The following FRMD4A variants were observed in gnomAD, a reference collection of about 807,000 sequenced individuals.
FRMD4A encodes FERM domain containing 4A, also known as FERM domain-containing protein 4A.
Under a neutral mutation model 129.1 loss-of-function variants are expected in FRMD4A, and 29 were observed. The ratio of observed to expected loss-of-function variants is 0.22; its 90% confidence interval spans 0.17 to 0.31. FRMD4A has a LOEUF of 0.31. Ranked by LOEUF, FRMD4A falls within the 10% of genes least tolerant of loss-of-function variation. The pLI, the probability that FRMD4A is intolerant of heterozygous loss-of-function variation, is 1.00. For synonymous variants in FRMD4A, 634 were observed against 571.6 expected (o/e 1.11, Z -1.56); for missense variants, 1,272 against 1,375.8 (o/e 0.92, Z 1.19).
intron 2 of FRMD4A, among the ~76,000 whole-genome samples, chr10:14,075,472 G>A (rs1056175288): frequency 2.0e-5 from 3 of 152,198 alleles, no homozygotes; most frequent in Admixed American, 6.5e-5. Flanking sequence ...AACAGGGACA[G>A]AACTGGAACC....
At chr10:14,065,268 C>A (rs1052701209) in intron 2 of FRMD4A, among the ~76,000 whole-genome samples, 1 of 152,224 alleles carries the variant, frequency 6.6e-6, no homozygotes, top group Non-Finnish European at 1.5e-5. Context: ...ACTGCAACCT[C>A]TGCCTCCTGG....
rs528983447 is a variant in FRMD4A, at chr10:13,871,729, C to T, written c.46-12817G>A. ...GGGGGCTCTAAACAGCTGTTAGATC[C>T]TCTTGCATCTCGCAGACTCAGTGGA... is the stretch of plus-strand genomic sequence containing the variant. On this transcript the variant is annotated intron_variant, in intron 2 of 24. Transcript: ENST00000357447. 4.6e-5 allele frequency among the ~76,000 whole-genome samples: 7 copies of T among 152,340 alleles called. No individual in the cohort carries two copies. The South Asian group carries it at 1.4e-3, about 32-fold the overall frequency.
intron 2 of FRMD4A, among the ~76,000 whole-genome samples, chr10:14,062,054 G>A (rs1205410385): frequency 6.6e-6 from 1 of 152,098 alleles, no homozygotes; most frequent in Non-Finnish European, 1.5e-5. Flanking sequence ...GTAATTTCTA[G>A]AGCTCTGACT....
chr10:13,740,490 G>A (rs752367471), intron 10 of FRMD4A, 22 bp downstream of exon 10: 5 of 1,435,498 alleles, frequency 3.5e-6, no homozygotes, highest in Non-Finnish European at 3.9e-6. Flanking sequence ...GTCCCCATGT[G>A]AGCTGGGAAG....
At chr10:14,314,634 T>C (rs1564458883) in intron 2 of FRMD4A, among the ~76,000 whole-genome samples, 1 of 151,130 alleles carries the variant, frequency 6.6e-6, no homozygotes, top group Non-Finnish European at 1.5e-5. Context: ...CTTGGAACCA[T>C]GAGGGGAAGC....
At chr10:14,188,307 T>A (rs2131917504) in intron 2 of FRMD4A, among the ~76,000 whole-genome samples, 1 of 152,308 alleles carries the variant, frequency 6.6e-6, no homozygotes, top group Non-Finnish European at 1.5e-5. Flanking sequence ...GTTTGGTTGC[T>A]TTTCTCAGAC....
intron 14 of FRMD4A, 67 bp downstream of exon 14, chr10:13,701,273 G>T: frequency 1.3e-6 from 2 of 1,486,956 alleles, no homozygotes; most frequent in Non-Finnish European, 1.9e-6. Context: ...CCACCCATCC[G>T]ATCCTCATTC....
chr10:13,996,507 G>A (rs1300724734), intron 2 of FRMD4A, among the ~76,000 whole-genome samples: 1 of 152,188 alleles, frequency 6.6e-6, no homozygotes, highest in Non-Finnish European at 1.5e-5. Flanking sequence ...GAGGGCTCCT[G>A]TACCACTTGT....
intron 2 of FRMD4A, among the ~76,000 whole-genome samples, chr10:14,018,323 G>T (rs190632451): frequency 6.6e-6 from 1 of 151,662 alleles, no homozygotes; most frequent in Non-Finnish European, 1.5e-5. Flanking sequence ...GGGCATGGTG[G>T]CAGGCGTCTG....
intron 2 of FRMD4A, among the ~76,000 whole-genome samples, chr10:13,925,741 G>A (rs532129345): frequency 2.6e-5 from 4 of 151,342 alleles, no homozygotes; most frequent in East Asian, 1.9e-4. Context: ...GCACCACCAC[G>A]CCTGAATAAT....
At chr10:13,977,753 G>T (rs1379387277) in intron 2 of FRMD4A, among the ~76,000 whole-genome samples, 1 of 152,134 alleles carries the variant, frequency 6.6e-6, no homozygotes, top group African/African-American at 2.4e-5. Flanking sequence ...ATATTAATGG[G>T]GTCTTTGTGG....
intron 24 of FRMD4A, 167 bp downstream of exon 24, chr10:13,651,736 G>T (rs188383333): frequency 1.6e-6 from 1 of 616,942 alleles, no homozygotes; most frequent in East Asian, 2.8e-5. Context: ...TAATTTTGAT[G>T]TAAGAACCTT....
At chr10:13,797,974 C>G (rs1469370084) in intron 4 of FRMD4A, among the ~76,000 whole-genome samples, 8 of 151,766 alleles carry the variant, frequency 5.3e-5, no homozygotes, top group Non-Finnish European at 1.5e-5. Flanking sequence ...ATACGGAAGA[C>G]TTTTGGATCT....
intron 2 of FRMD4A, among the ~76,000 whole-genome samples, chr10:14,050,346 C>T (rs1321975339): frequency 1.3e-5 from 2 of 152,136 alleles, no homozygotes; most frequent in Non-Finnish European, 2.9e-5. Context: ...CCCCATTTTG[C>T]AGATGGTAAA....
At chr10:13,947,672 C>T (rs991079745) in intron 2 of FRMD4A, among the ~76,000 whole-genome samples, 44 of 152,054 alleles carry the variant, frequency 2.9e-4, no homozygotes, top group Non-Finnish European at 6.0e-4. Flanking sequence ...AAATACATGC[C>T]ATAGTACAGC....
At chr10:13,912,855 C>T (rs1247660485) in intron 2 of FRMD4A, among the ~76,000 whole-genome samples, 1 of 151,872 alleles carries the variant, frequency 6.6e-6, no homozygotes, top group Non-Finnish European at 1.5e-5. Context: ...GGGTAGATCA[C>T]CTGAGGTCAG....
intron 2 of FRMD4A, among the ~76,000 whole-genome samples, chr10:13,897,837 C>T (rs2094775213): frequency 6.7e-6 from 1 of 149,924 alleles, no homozygotes; most frequent in South Asian, 2.1e-4. Context: ...ACTCAGAAGG[C>T]TGAGGCAGGA....
At chr10:14,269,848 G>A (rs1845102366) in intron 2 of FRMD4A, among the ~76,000 whole-genome samples, 1 of 152,192 alleles carries the variant, frequency 6.6e-6, no homozygotes. Flanking sequence ...TGCTTCAGCA[G>A]GACCGAACCA....
intron 15 of FRMD4A, among the ~76,000 whole-genome samples, chr10:13,688,624 A>G (rs1454878166): frequency 4.6e-5 from 7 of 152,118 alleles, no homozygotes; most frequent in Non-Finnish European, 8.8e-5. Flanking sequence ...AAATGAAGCA[A>G]AATCTACAGT....
Sources: gnomAD v4.1 joint callset for allele counts (sites outside exome capture counted in the v4.1 genomes callset) on GRCh38, gnomAD v4.1.1 for gene constraint, MANE v1.5 for transcripts, NCBI Gene and HGNC (gene_info 2026-07-23, HGNC 2026-07-21) for gene names.